The following RHOA variants were observed in gnomAD, a reference collection of about 807,000 sequenced individuals.
The protein encoded by RHOA is transforming protein RhoA.
RHOA carries 3 observed loss-of-function variants against 17.5 expected under a neutral mutation model. The observed-to-expected ratio is 0.17, with a 90% CI of 0.08 to 0.44. RHOA has a LOEUF of 0.44. Among genes scored for constraint, RHOA ranks in the 20% least tolerant of loss-of-function variants. RHOA has a pLI of 0.99. For synonymous variants in RHOA, 98 were observed against 88.4 expected, an observed-to-expected ratio of 1.11 and a Z score of -0.61; for missense variants, 56 against 242.3, an observed-to-expected ratio of 0.23 and a Z score of 5.10.
intron 1 of RHOA, among the ~76,000 whole-genome samples, chr3:49,379,287 A>G (rs1199839536): frequency 6.6e-6 from 1 of 152,156 alleles, no homozygotes; most frequent in Admixed American, 6.6e-5. Flanking sequence ...ACAAAAACCA[A>G]CATGCATGAT....
intron 1 of RHOA, among the ~76,000 whole-genome samples, chr3:49,386,886 A>C (rs1202429717): frequency 7.2e-6 from 1 of 138,240 alleles, no homozygotes; most frequent in Non-Finnish European, 1.6e-5. Context: ...GCCGAGGCAA[A>C]TGGATCACCT....
At chr3:49,407,197 T>C (rs1372373883) in intron 1 of RHOA, among the ~76,000 whole-genome samples, 1 of 146,128 alleles carries the variant, frequency 6.8e-6, no homozygotes, top group Non-Finnish European at 1.5e-5. Context: ...CAGAAGTCAC[T>C]AAGTCAAGGA....
At chr3:49,388,885 T>C (rs573634401) in intron 1 of RHOA, among the ~76,000 whole-genome samples, 1 of 152,320 alleles carries the variant, frequency 6.6e-6, no homozygotes, top group Non-Finnish European at 1.5e-5. Flanking sequence ...AGTGGAGTAC[T>C]ACTCAGCAAC....
intron 1 of RHOA, among the ~76,000 whole-genome samples, chr3:49,387,183 AC>A (rs2048412093): frequency 8.0e-6 from 1 of 124,790 alleles, no homozygotes; most frequent in Non-Finnish European, 1.7e-5. Flanking sequence ...GGTGGCTCAC[AC>A]CTGTAATCCC....
At chr3:49,394,859 G>C (rs1218143739) in intron 1 of RHOA, among the ~76,000 whole-genome samples, 2 of 152,146 alleles carry the variant, frequency 1.3e-5, no homozygotes, top group Non-Finnish European at 2.9e-5. Flanking sequence ...CTTGAAGAAG[G>C]AGGACAAGTC....
intron 1 of RHOA, among the ~76,000 whole-genome samples, chr3:49,407,232 G>GTTTTTTTTTTTTTTTTTTTT (rs61556875): frequency 1.4e-5 from 1 of 70,018 alleles, no homozygotes; most frequent in Admixed American, 2.3e-4. Context: ...AATCCTTTCC[G>GTTTTTTTTTTTTTTTTTTTT]TTTTTTTTTT....
chr3:49,393,403 CTCAA>C (rs1479235892), intron 1 of RHOA, among the ~76,000 whole-genome samples: 2 of 151,478 alleles, frequency 1.3e-5, no homozygotes, highest in Non-Finnish European at 2.9e-5. Flanking sequence ...ACCTCCCAGG[CTCAA>C]TCAGTTCTCC....
intron 1 of RHOA, among the ~76,000 whole-genome samples, chr3:49,385,284 G>A (rs1301379608): frequency 5.4e-5 from 8 of 147,472 alleles, no homozygotes; most frequent in Non-Finnish European, 1.2e-4. Context: ...GCAGTGGCGC[G>A]ATCTTGGCTC....
chr3:49,391,193 G>A (rs2048496969), intron 1 of RHOA, among the ~76,000 whole-genome samples: 1 of 149,174 alleles, frequency 6.7e-6, no homozygotes, highest in African/African-American at 2.5e-5. Flanking sequence ...ACTCCAGTCT[G>A]GGTGACAGAG....
chr3:49,402,117 G>A (rs910289532), intron 1 of RHOA, among the ~76,000 whole-genome samples: 4 of 152,282 alleles, frequency 2.6e-5, no homozygotes, highest in South Asian at 4.1e-4. Context: ...AATCCCTGAG[G>A]TAACATACCG....
chr3:49,377,622 A>AC, intron 1 of RHOA, among the ~76,000 whole-genome samples: 1 of 150,756 alleles, frequency 6.6e-6, no homozygotes, highest in South Asian at 2.1e-4. Flanking sequence ...AAAAAAAAAA[A>AC]AATCAGCCAG....
chr3:49,376,866 C>T (rs2048236187), intron 1 of RHOA, among the ~76,000 whole-genome samples: 1 of 152,060 alleles, frequency 6.6e-6, no homozygotes, highest in Non-Finnish European at 1.5e-5. Flanking sequence ...CGGTGGCTCA[C>T]GCCTATAATC....
chr3:49,371,529 C>G (rs2048147323), intron 2 of RHOA, among the ~76,000 whole-genome samples: 1 of 152,120 alleles, frequency 6.6e-6, no homozygotes, highest in African/African-American at 2.4e-5. Flanking sequence ...GATCCTCCTG[C>G]CTCAGCCTCC....
rs183840705 is a variant in RHOA at position 49,383,983 on chromosome 3, T to C, written c.-2-8392A>G. Among the ~76,000 whole-genome samples the C allele has an allele frequency of 2.8e-3, 420 of 152,236 alleles. 3 individuals are homozygous for C. Among genetic ancestry groups the C allele is most frequent in the African/African-American group, 9.3e-3 (388 of 41,532 alleles). Reference sequence around the variant, plus strand: ...AGGTGGAGGTTGCAGTGAGCCGAGATTGCACTACTGCATTACAGCCTGGGC... The same window carrying C: ...AGGTGGAGGTTGCAGTGAGCCGAGACTGCACTACTGCATTACAGCCTGGGC... On this transcript the variant is annotated intron_variant, in intron 1 of 4. Coordinates refer to ENST00000418115, the MANE Select transcript of RHOA (RefSeq NM_001664.4).
At chr3:49,395,250 CAA>C (rs1212231450) in intron 1 of RHOA, among the ~76,000 whole-genome samples, 1 of 111,810 alleles carries the variant, frequency 8.9e-6, no homozygotes, top group Admixed American at 9.5e-5. Flanking sequence ...GACTCCGTCT[CAA>C]AAAAAAAAAA....
intron 1 of RHOA, among the ~76,000 whole-genome samples, chr3:49,389,315 CAA>C (rs879757069): frequency 1.4e-5 from 2 of 140,398 alleles, no homozygotes; most frequent in Non-Finnish European, 1.6e-5. Context: ...ACTCCATCTC[CAA>C]AAAAAAAAAG....
intron 1 of RHOA, among the ~76,000 whole-genome samples, chr3:49,393,940 G>T (rs571062854): frequency 2.0e-5 from 3 of 150,478 alleles, no homozygotes; most frequent in African/African-American, 7.3e-5. Flanking sequence ...GCATGATCTC[G>T]GCTCACTGCA....
chr3:49,390,786 T>A (rs1209882620), intron 1 of RHOA, among the ~76,000 whole-genome samples: 1 of 152,116 alleles, frequency 6.6e-6, no homozygotes, highest in African/African-American at 2.4e-5. Context: ...TGGATATTAA[T>A]ATAAAAGAGT....
intron 1 of RHOA, among the ~76,000 whole-genome samples, chr3:49,404,204 G>A (rs1284609399): frequency 1.3e-5 from 2 of 150,580 alleles, no homozygotes; most frequent in African/African-American, 2.4e-5. Context: ...TAGGGAGGAC[G>A]AGGCGTAAGG....
Sources: allele counts gnomAD v4.1 joint callset (sites outside exome capture counted in the v4.1 genomes callset), GRCh38; gene constraint gnomAD v4.1.1; transcripts MANE v1.5; gene names NCBI Gene and HGNC (gene_info 2026-07-23, HGNC 2026-07-21).